The following FOXP1 variants were observed in gnomAD, a reference collection of about 807,000 sequenced individuals.
The protein encoded by FOXP1 is forkhead box P1.
In FOXP1, 15 loss-of-function variants were observed where a neutral mutation model predicts 98.2. That is an observed-to-expected ratio of 0.15 (90% confidence interval 0.10 to 0.24). The LOEUF is 0.24. Ranked by LOEUF, FOXP1 falls within the 10% of genes least tolerant of loss-of-function variation. FOXP1 has a pLI of 1.00. For synonymous variants in FOXP1, 371 were observed against 314.5 expected, an observed-to-expected ratio of 1.18 and a Z score of -1.90; for missense variants, 633 against 848.5, an observed-to-expected ratio of 0.75 and a Z score of 3.15.
rs927383097 is a variant in FOXP1 at position 70,959,304 on chromosome 3, T to C, written c.1977A>G (p.Pro659=). Residue 659 remains proline, a synonymous_variant, in exon 21 of 21, where the codon CCA becomes CCG. Transcript: ENST00000649528. ...LSLVTTANHS[P]DFDHDRDYED... ...CGTAATCTCTGTCATGGTCAAAATC[T>C]GGACTGTGGTTGGCTGTTGTCACTA... 8 of 1,614,014 alleles carry C rather than the reference T, an allele frequency of 5.0e-6. No homozygotes were observed. The South Asian group carries it at 5.5e-5, about 11-fold the overall frequency.
intron 6 of FOXP1, among the ~76,000 whole-genome samples, chr3:71,141,208 C>T (rs1199055002): frequency 1.4e-5 from 2 of 141,992 alleles, no homozygotes; most frequent in Admixed American, 7.5e-5. Flanking sequence ...GTGGAGGTTG[C>T]AGTGAGCCAA....
chr3:71,534,406 C>A (rs1395376445), intron 2 of FOXP1, among the ~76,000 whole-genome samples: 1 of 152,112 alleles, frequency 6.6e-6, no homozygotes, highest in Non-Finnish European at 1.5e-5. Context: ...TCCCTATACA[C>A]TGGTTTCCCA....
intron 6 of FOXP1, among the ~76,000 whole-genome samples, chr3:71,189,755 T>C (rs564445643): frequency 6.6e-6 from 1 of 152,360 alleles, no homozygotes; most frequent in East Asian, 1.9e-4. Flanking sequence ...AGTCCTTCCT[T>C]TCTCTTTCTG....
chr3:71,345,354 C>A (rs1406178756), intron 4 of FOXP1, among the ~76,000 whole-genome samples: 1 of 151,476 alleles, frequency 6.6e-6, no homozygotes, highest in Admixed American at 6.6e-5. Flanking sequence ...TGCCACTGAA[C>A]TCCAGCCTCA....
chr3:71,514,622 G>T (rs2042428164), intron 2 of FOXP1, among the ~76,000 whole-genome samples: 1 of 152,228 alleles, frequency 6.6e-6, no homozygotes, highest in Non-Finnish European at 1.5e-5. Flanking sequence ...GACATTCTGT[G>T]AAGGCTCTCC....
At chr3:71,115,317 TTTTATTTA>T (rs10563814) in intron 6 of FOXP1, among the ~76,000 whole-genome samples, 21 of 144,112 alleles carry the variant, frequency 1.5e-4, no homozygotes, top group African/African-American at 2.6e-4. Context: ...ATTATTATTA[TTTTATTTA>T]TTTATTTATT....
At chr3:71,361,534 C>T (rs945971932) in intron 3 of FOXP1, among the ~76,000 whole-genome samples, 1 of 152,168 alleles carries the variant, frequency 6.6e-6, no homozygotes. Flanking sequence ...TGCTCACACT[C>T]GATTGCAGGT....
chr3:71,253,447 T>C (rs2068381014), intron 5 of FOXP1, among the ~76,000 whole-genome samples: 1 of 152,186 alleles, frequency 6.6e-6, no homozygotes, highest in African/African-American at 2.4e-5. Context: ...AAATGATACA[T>C]GTCCAAGTTC....
intron 1 of FOXP1, 182 bp downstream of exon 1, chr3:71,583,389 G>A (rs1367950550): frequency 2.3e-6 from 2 of 874,966 alleles, no homozygotes; most frequent in African/African-American, 3.6e-5. Flanking sequence ...GGAGGGCTGG[G>A]GGAGATGCAC....
At chr3:71,549,859 G>GT (rs1217303824) in intron 2 of FOXP1, among the ~76,000 whole-genome samples, 42 of 54,920 alleles carry the variant, frequency 7.6e-4, no homozygotes, top group African/African-American at 2.2e-3. Flanking sequence ...AATGCTGGGA[G>GT]TAAAAAAAAA....
At chr3:71,463,380 A>T in intron 3 of FOXP1, among the ~76,000 whole-genome samples, 1 of 131,684 alleles carries the variant, frequency 7.6e-6, no homozygotes, top group Admixed American at 7.5e-5. Flanking sequence ...AAAAAAAAAA[A>T]CTCACCAAGG....
At chr3:71,506,409 G>A (rs572017767) in intron 2 of FOXP1, among the ~76,000 whole-genome samples, 38 of 152,242 alleles carry the variant, frequency 2.5e-4, no homozygotes, top group African/African-American at 6.5e-4. Flanking sequence ...CCACGGCGGC[G>A]TATCTGCTAT....
chr3:71,374,594 C>CA (rs5850009), intron 3 of FOXP1, among the ~76,000 whole-genome samples: 32,121 of 130,936 alleles, frequency 0.25, 4,864 homozygotes, highest in East Asian at 0.74. Flanking sequence ...GACTCTGTCT[C>CA]AAAAAAAAAA....
chr3:71,209,782 C>CA (rs1458728873), intron 5 of FOXP1, among the ~76,000 whole-genome samples: 13 of 152,152 alleles, frequency 8.5e-5, no homozygotes, highest in African/African-American at 3.1e-4. Context: ...TTTAGAAACA[C>CA]AATCGGCAAT....
At chr3:71,100,494 G>T (rs570509733) in intron 7 of FOXP1, among the ~76,000 whole-genome samples, 1 of 152,302 alleles carries the variant, frequency 6.6e-6, no homozygotes, top group South Asian at 2.1e-4. Flanking sequence ...AACCTTCTAG[G>T]GGGCAGTGGT....
At chr3:71,386,965 T>C (rs570895662) in intron 3 of FOXP1, among the ~76,000 whole-genome samples, 3 of 152,194 alleles carry the variant, frequency 2.0e-5, no homozygotes, top group South Asian at 4.2e-4. Flanking sequence ...CCTACTAATA[T>C]TTTCTCTTTT....
At position 71,547,003 on chromosome 3, in the gene FOXP1, G is replaced by A. The variant is rs116368498; in HGVS notation, c.-298+34546C>T. 7.6e-3 allele frequency among the ~76,000 whole-genome samples: 1,151 copies of A among 152,294 alleles called. 12 individuals carry two copies. The highest frequency in any genetic ancestry group is 0.026 in the African/African-American group (1,078 of 41,552). ...AGGAAGGAAGGCAATTGCTTGCTAC[G>A]AAGACAAAACAAATTGTGAAATCTA... On this transcript the variant is annotated intron_variant, in intron 2 of 20. Coordinates refer to ENST00000649528, the MANE Select transcript of FOXP1 (RefSeq NM_001349338.3).
intron 3 of FOXP1, among the ~76,000 whole-genome samples, chr3:71,433,540 A>T (rs1431825768): frequency 6.6e-6 from 1 of 152,206 alleles, no homozygotes; most frequent in Non-Finnish European, 1.5e-5. Context: ...GGAGACTTTG[A>T]ATAATCTCAG....
intron 2 of FOXP1, among the ~76,000 whole-genome samples, chr3:71,498,940 G>A (rs2041120668): frequency 1.3e-5 from 2 of 152,282 alleles, no homozygotes; most frequent in Admixed American, 6.5e-5. Flanking sequence ...TGAAGATCTA[G>A]GAAGGAGTTC....
Sources: allele counts gnomAD v4.1 joint callset (sites outside exome capture counted in the v4.1 genomes callset), GRCh38; gene constraint gnomAD v4.1.1; transcripts MANE v1.5; gene names NCBI Gene and HGNC (gene_info 2026-07-23, HGNC 2026-07-21).